The following SEMA3A variants were observed in gnomAD, a reference collection of about 807,000 sequenced individuals.
The protein encoded by SEMA3A is semaphorin-3A.
Under a neutral mutation model 97.9 loss-of-function variants are expected in SEMA3A, and 29 were observed. That is an observed-to-expected ratio of 0.30 (90% CI 0.22 to 0.40). The LOEUF is 0.40. Ranked by LOEUF, SEMA3A falls within the 10% of genes least tolerant of loss-of-function variation. SEMA3A has a pLI of 1.00. For synonymous variants in SEMA3A, 321 were observed against 323.7 expected, an observed-to-expected ratio of 0.99 and a Z score of 0.09; for missense variants, 763 against 951.3, an observed-to-expected ratio of 0.80 and a Z score of 2.60.
At chr7:84,328,086 G>A (rs973838049) in intron 2 of SEMA3A, among the ~76,000 whole-genome samples, 7 of 151,858 alleles carry the variant, frequency 4.6e-5, no homozygotes, top group Non-Finnish European at 1.0e-4. Context: ...AATCAATTTT[G>A]TTGGAGTGCA....
intron 4 of SEMA3A, among the ~76,000 whole-genome samples, chr7:84,091,222 G>A (rs1279672369): frequency 3.5e-4 from 21 of 59,640 alleles, no homozygotes; most frequent in African/African-American, 1.0e-3. Flanking sequence ...GAAAAGAAAA[G>A]AAAGAAAAGA....
intron 3 of SEMA3A, among the ~76,000 whole-genome samples, chr7:84,237,796 T>C (rs1400815098): frequency 6.6e-6 from 1 of 152,104 alleles, no homozygotes; most frequent in East Asian, 1.9e-4. Flanking sequence ...TTTACTATAG[T>C]TAACATACTG....
At chr7:84,281,579 A>G (rs575674856) in intron 3 of SEMA3A, among the ~76,000 whole-genome samples, 6 of 152,326 alleles carry the variant, frequency 3.9e-5, no homozygotes, top group African/African-American at 1.2e-4. Context: ...TCTTTTATTA[A>G]AACTGTATTT....
At chr7:84,329,279 A>T (rs1055123312) in intron 2 of SEMA3A, among the ~76,000 whole-genome samples, 3 of 152,064 alleles carry the variant, frequency 2.0e-5, no homozygotes, top group Non-Finnish European at 4.4e-5. Context: ...ATTTTAATGA[A>T]ACAAGTAGGT....
At chr7:83,979,873 G>A (rs539949881) in intron 14 of SEMA3A, among the ~76,000 whole-genome samples, 2 of 152,084 alleles carry the variant, frequency 1.3e-5, no homozygotes, top group South Asian at 4.1e-4. Flanking sequence ...CCATTTCTTT[G>A]CTCAAATATT....
intron 4 of SEMA3A, among the ~76,000 whole-genome samples, chr7:84,104,129 C>T (rs1357981946): frequency 1.3e-5 from 2 of 152,016 alleles, no homozygotes; most frequent in Admixed American, 1.3e-4. Flanking sequence ...ACGATGTAGT[C>T]CTTATCTGCA....
chr7:84,373,352 T>C (rs1803018592), intron 1 of SEMA3A, among the ~76,000 whole-genome samples: 1 of 152,222 alleles, frequency 6.6e-6, no homozygotes, highest in African/African-American at 2.4e-5. Flanking sequence ...CCCAAATTCC[T>C]ACTTCATCAG....
chr7:84,123,215 T>C (rs1001267932), intron 3 of SEMA3A, among the ~76,000 whole-genome samples: 1 of 152,130 alleles, frequency 6.6e-6, no homozygotes, highest in Admixed American at 6.5e-5. Context: ...AATCCATCAA[T>C]AGAAATGTTA....
intron 11 of SEMA3A, 34 bp from the exon 12 acceptor site, chr7:84,002,080 A>G (rs1302181115): frequency 1.6e-6 from 2 of 1,241,016 alleles, no homozygotes; most frequent in Non-Finnish European, 2.4e-6. Flanking sequence ...ACCACAAGTT[A>G]AGTAGATCTG....
rs1019698590 is a variant in SEMA3A at position 84,291,905 on chromosome 7, C to A, written c.-83+15302G>T. ...TAAAGAAATATCAAGCAAAACCCAGCCACAGCTGTGCTGTAATCATTGAAG... is the reference window on the plus strand; with the variant it reads ...TAAAGAAATATCAAGCAAAACCCAGACACAGCTGTGCTGTAATCATTGAAG... On this transcript the variant is annotated intron_variant, in intron 3 of 3. Coordinates refer to the SEMA3A transcript ENST00000424555. 2.6e-5 allele frequency among the ~76,000 whole-genome samples: 4 copies of A among 152,094 alleles called. No individual in the cohort carries two copies. In the South Asian group the frequency reaches 6.2e-4, roughly 24 times the overall value.
At chr7:84,447,750 A>C (rs1805455957) in intron 1 of SEMA3A, among the ~76,000 whole-genome samples, 1 of 152,166 alleles carries the variant, frequency 6.6e-6, no homozygotes, top group Admixed American at 6.5e-5. Context: ...GCTGTAACAC[A>C]AACAGGTTTG....
At chr7:84,188,381 T>C (rs1797944796) in intron 1 of SEMA3A, among the ~76,000 whole-genome samples, 1 of 151,978 alleles carries the variant, frequency 6.6e-6, no homozygotes, top group African/African-American at 2.4e-5. Context: ...GTCTTGGCAA[T>C]AGTGGGAGAT....
intron 3 of SEMA3A, among the ~76,000 whole-genome samples, chr7:84,281,006 C>G (rs1260693496): frequency 6.6e-6 from 1 of 152,054 alleles, no homozygotes; most frequent in Admixed American, 6.6e-5. Context: ...TTCTTTAATG[C>G]CATGGCTCCT....
intron 5 of SEMA3A, 78 bp from the exon 6 acceptor site, chr7:84,046,521 G>A: frequency 6.5e-7 from 1 of 1,535,322 alleles, no homozygotes; most frequent in South Asian, 1.2e-5. Flanking sequence ...CAAACAAAAT[G>A]CAAGTTTCAT....
At chr7:84,037,639 T>G (rs957869019) in intron 6 of SEMA3A, among the ~76,000 whole-genome samples, 3 of 152,120 alleles carry the variant, frequency 2.0e-5, no homozygotes, top group Non-Finnish European at 4.4e-5. Context: ...TTAGCAAATC[T>G]TCAAGCAAAG....
chr7:84,313,370 A>G (rs952677979), intron 2 of SEMA3A, among the ~76,000 whole-genome samples: 779 of 32,210 alleles, frequency 0.024, 34 homozygotes, highest in African/African-American at 0.049. Context: ...ATATATATAT[A>G]TATATATATA....
In SEMA3A at chr7:84,091,208, GAAAGAAAAGA is replaced by G. The variant is rs1192541607; in HGVS notation, c.453+19252_453+19261del. 4.5e-4 allele frequency among the ~76,000 whole-genome samples: 31 copies of G among 69,312 alleles called. 1 individual carries two copies. The East Asian group carries it at 7.2e-3, about 16-fold the overall frequency. The allele number at this position is 69,312 out of a possible 152,430, so 45.5% of individuals were successfully genotyped here. On this transcript the variant is annotated intron_variant, in intron 4 of 16. Coordinates refer to ENST00000265362, the MANE Select transcript of SEMA3A (RefSeq NM_006080.3). ...AGAAAGAAAGAAAGAAAGAAAGAAA[GAAAGAAAAGA>G]AAAGAAAGAAAAGAAAGAAGGAAGG...
At chr7:84,038,401 C>T (rs971989815) in intron 6 of SEMA3A, among the ~76,000 whole-genome samples, 2 of 152,062 alleles carry the variant, frequency 1.3e-5, no homozygotes, top group African/African-American at 4.8e-5. Flanking sequence ...ATTAAGACAA[C>T]ATCAATTGAA....
intron 1 of SEMA3A, among the ~76,000 whole-genome samples, chr7:84,408,883 G>C (rs1050542617): frequency 6.6e-6 from 1 of 151,820 alleles, no homozygotes; most frequent in Admixed American, 6.6e-5. Context: ...ATCACACACC[G>C]GGGACTGTTG....
Sources: allele counts gnomAD v4.1 joint callset (sites outside exome capture counted in the v4.1 genomes callset), GRCh38; gene constraint gnomAD v4.1.1; transcripts MANE v1.5; gene names NCBI Gene and HGNC (gene_info 2026-07-23, HGNC 2026-07-21).